PVT1: variants seen among roughly 807,000 people sequenced by gnomAD.
PVT1 encodes the protein CXCR4/PVT1 fusion.
intron 5 of PVT1, among the ~76,000 whole-genome samples, chr8:128,095,829 C>T (rs1466082047): frequency 6.6e-6 from 1 of 152,226 alleles, no homozygotes; most frequent in Non-Finnish European, 1.5e-5. Flanking sequence ...TACGCATTCT[C>T]GATGCCCTTT....
intron 5 of PVT1, among the ~76,000 whole-genome samples, chr8:128,078,306 TCC>T (rs1159985318): frequency 6.6e-6 from 1 of 152,204 alleles, no homozygotes; most frequent in East Asian, 1.9e-4. Context: ...TTTCTTAAAC[TCC>T]CCTCCTTGTT....
At chr8:127,973,410 A>G (rs149344885) in intron 3 of PVT1, among the ~76,000 whole-genome samples, 2 of 152,292 alleles carry the variant, frequency 1.3e-5, no homozygotes, top group African/African-American at 4.8e-5. Flanking sequence ...TCCCCATTTT[A>G]TGGATGTGAA....
At chr8:128,049,144 C>G (rs1359999956) in intron 4 of PVT1, 1 of 527,530 alleles carries the variant, frequency 1.9e-6, no homozygotes, top group Non-Finnish European at 3.9e-6. Context: ...GCCGCCAGGC[C>G]TCCATGTGCA....
chr8:127,864,686 T>A (rs1046156050), intron 2 of PVT1, among the ~76,000 whole-genome samples: 1 of 152,136 alleles, frequency 6.6e-6, no homozygotes, highest in Admixed American at 6.5e-5. Flanking sequence ...TAGCTGGGAC[T>A]ACAGGCGCCC....
chr8:127,860,695 G>A (rs1384987771), intron 2 of PVT1, among the ~76,000 whole-genome samples: 2 of 151,356 alleles, frequency 1.3e-5, no homozygotes, highest in Non-Finnish European at 2.9e-5. Flanking sequence ...AACCCAGGAG[G>A]TGGAGGTTGT....
chr8:127,897,044 T>G (rs1815688170), intron 3 of PVT1, among the ~76,000 whole-genome samples: 1 of 152,128 alleles, frequency 6.6e-6, no homozygotes. Context: ...TGGGGGAGTA[T>G]TCAGTGTAAC....
chr8:127,984,753 T>G (rs905791435), intron 3 of PVT1, among the ~76,000 whole-genome samples: 12 of 152,120 alleles, frequency 7.9e-5, no homozygotes, highest in Non-Finnish European at 1.8e-4. Context: ...ATTACAGGCA[T>G]ACGCCACCAT....
chr8:127,862,974 T>A (rs1479977128), intron 2 of PVT1, among the ~76,000 whole-genome samples: 1 of 152,210 alleles, frequency 6.6e-6, no homozygotes, highest in Non-Finnish European at 1.5e-5. Context: ...CACCTCCATT[T>A]CTATGGGGGA....
At chr8:127,900,676 T>A (rs747122330) in intron 3 of PVT1, among the ~76,000 whole-genome samples, 11 of 152,224 alleles carry the variant, frequency 7.2e-5, no homozygotes, top group Non-Finnish European at 1.6e-4. Context: ...GAATTTTGCT[T>A]TTGTAAACAA....
chr8:127,977,142 G>A (rs1816830859), intron 3 of PVT1, among the ~76,000 whole-genome samples: 2 of 152,176 alleles, frequency 1.3e-5, no homozygotes, highest in Admixed American at 1.3e-4. Context: ...ACTCTTGTTT[G>A]CACAAAGCCC....
intron 2 of PVT1, among the ~76,000 whole-genome samples, chr8:127,836,972 T>C (rs1814916167): frequency 6.6e-6 from 1 of 151,894 alleles, no homozygotes; most frequent in Non-Finnish European, 1.5e-5. Context: ...TGGACATGAG[T>C]GGTTCTGGTT....
At chr8:128,008,173 C>T (rs575457287) in intron 4 of PVT1, among the ~76,000 whole-genome samples, 37 of 152,266 alleles carry the variant, frequency 2.4e-4, no homozygotes, top group Middle Eastern at 6.8e-3. Flanking sequence ...AATTAGTGAA[C>T]GGTCATCTGT....
chr8:127,883,117 CAGAG>C (rs140986080), intron 2 of PVT1, among the ~76,000 whole-genome samples: 2 of 150,316 alleles, frequency 1.3e-5, no homozygotes, highest in African/African-American at 4.9e-5. Flanking sequence ...GGCTCAGAGA[CAGAG>C]AGAGAGAGAG....
intron 2 of PVT1, among the ~76,000 whole-genome samples, chr8:127,816,467 G>T (rs1814660897): frequency 6.7e-6 from 1 of 148,334 alleles, no homozygotes; most frequent in Non-Finnish European, 1.5e-5. Flanking sequence ...CTTGAATGTT[G>T]ATGTTTATCA....
intron 3 of PVT1, among the ~76,000 whole-genome samples, chr8:127,897,905 AAGAC>A (rs1340637627): frequency 2.7e-5 from 4 of 150,252 alleles, no homozygotes; most frequent in East Asian, 1.9e-4. Flanking sequence ...GAAAGAAAAA[AAGAC>A]AGACAGGAAG....
intron 4 of PVT1, among the ~76,000 whole-genome samples, chr8:128,030,784 A>C (rs569862904): frequency 6.6e-6 from 1 of 152,314 alleles, no homozygotes; most frequent in Non-Finnish European, 1.5e-5. Flanking sequence ...CTCAAAGCTC[A>C]TCTCAGCATT....
chr8:127,823,117 C>T (rs965825480), intron 2 of PVT1, among the ~76,000 whole-genome samples: 3 of 152,194 alleles, frequency 2.0e-5, no homozygotes, highest in Non-Finnish European at 4.4e-5. Flanking sequence ...GAAAGTGGCA[C>T]GTATGCTATG....
chr8:128,053,436 G>A lies in PVT1; in HGVS notation n.913-16724G>A, dbSNP rs574804916. On this transcript the variant is annotated intron_variant and non_coding_transcript_variant, in intron 4 of 10. Transcript: ENST00000651587. ...TTGTATATATAATACCTATATATGT[G>A]TATTTTATATATATGGGTATTATAT... Among the ~76,000 whole-genome samples, 397 of 148,908 alleles carry A rather than the reference G, an allele frequency of 2.7e-3. 1 individual carries two copies. Among genetic ancestry groups the A allele is most frequent in the Middle Eastern group, 3.6e-3 (1 of 280 alleles).
At chr8:127,821,123 A>G (rs1455526354) in intron 2 of PVT1, among the ~76,000 whole-genome samples, 3 of 152,214 alleles carry the variant, frequency 2.0e-5, no homozygotes, top group Non-Finnish European at 4.4e-5. Context: ...GATCAATGAA[A>G]GGTTATCAAA....
Sources: allele counts gnomAD v4.1 joint callset (sites outside exome capture counted in the v4.1 genomes callset), GRCh38; gene constraint gnomAD v4.1.1; transcripts MANE v1.5; gene names NCBI Gene and HGNC (gene_info 2026-07-23, HGNC 2026-07-21).